Variants in SNTG1 observed in about 807,000 individuals in gnomAD.
SNTG1 encodes the protein syntrophin gamma 1.
In SNTG1, 39 loss-of-function variants were observed where a neutral mutation model predicts 74.7. That is an observed-to-expected ratio of 0.52 (90% CI 0.40 to 0.68). The LOEUF (loss-of-function observed/expected upper bound fraction) is 0.68. Ranked by LOEUF, SNTG1 falls within the 30% of genes least tolerant of loss-of-function variation. SNTG1 has a pLI of 0.00. For synonymous variants in SNTG1, 254 were observed against 217.1 expected (o/e 1.17, Z -1.49); for missense variants, 685 against 609.5 (o/e 1.12, Z -1.30).
chr8:50,033,428 T>C (rs1817902206), intron 1 of SNTG1, among the ~76,000 whole-genome samples: 1 of 152,162 alleles, frequency 6.6e-6, no homozygotes, highest in African/African-American at 2.4e-5. Context: ...CCAGCCAATT[T>C]ATTATTCTTA....
intron 2 of SNTG1, among the ~76,000 whole-genome samples, chr8:50,215,383 T>G (rs1022903384): frequency 6.8e-6 from 1 of 147,832 alleles, no homozygotes; most frequent in East Asian, 2.0e-4. Flanking sequence ...TATATAAATA[T>G]ATATATGTGT....
intron 1 of SNTG1, among the ~76,000 whole-genome samples, chr8:49,936,283 C>T (rs1287624760): frequency 6.6e-6 from 1 of 151,730 alleles, no homozygotes; most frequent in African/African-American, 2.4e-5. Flanking sequence ...GAACATTTTC[C>T]TTTTTTTTAA....
At chr8:50,678,088 C>T (rs1004151978) in intron 15 of SNTG1, among the ~76,000 whole-genome samples, 21 of 150,294 alleles carry the variant, frequency 1.4e-4, no homozygotes, top group Admixed American at 2.7e-4. Context: ...ACATGTATCC[C>T]GGAACTTAAA....
At chr8:50,252,924 A>C (rs2086704626) in intron 2 of SNTG1, among the ~76,000 whole-genome samples, 1 of 152,232 alleles carries the variant, frequency 6.6e-6, no homozygotes, top group Non-Finnish European at 1.5e-5. Context: ...CAAGTACATT[A>C]AAAAGTGCTC....
intron 1 of SNTG1, among the ~76,000 whole-genome samples, chr8:49,953,327 T>C (rs1809889062): frequency 6.6e-6 from 1 of 152,180 alleles, no homozygotes; most frequent in Admixed American, 6.5e-5. Flanking sequence ...ATCCAGCCAG[T>C]CTGAGAGGAC....
intron 1 of SNTG1, among the ~76,000 whole-genome samples, chr8:49,918,442 ACTAATAT>A (rs1179373118): frequency 6.6e-6 from 1 of 152,212 alleles, no homozygotes; most frequent in Non-Finnish European, 1.5e-5. Flanking sequence ...TTAGTTATTG[ACTAATAT>A]CTGCAAATAT....
In SNTG1 at chr8:50,207,659, T is replaced by G. The variant is rs530562707; in HGVS notation, c.-28+35024T>G. Among the ~76,000 whole-genome samples the G allele has an allele frequency of 1.8e-3, 277 of 152,238 alleles. 2 individuals are homozygous for G. The highest frequency in any genetic ancestry group is 6.3e-3 in the African/African-American group (261 of 41,572). On this transcript the variant is annotated intron_variant, in intron 2 of 18. Coordinates refer to ENST00000642720, the MANE Select transcript of SNTG1 (RefSeq NM_018967.5). ...TCTAGTTCTTTTAGTTGTGATATTATGGTGTCAATTTTACATCTTTCCTGC... is the reference window on the plus strand; with the variant it reads ...TCTAGTTCTTTTAGTTGTGATATTAGGGTGTCAATTTTACATCTTTCCTGC...
intron 2 of SNTG1, among the ~76,000 whole-genome samples, chr8:50,224,675 TG>T (rs1027012213): frequency 2.2e-4 from 33 of 152,262 alleles, no homozygotes; most frequent in Admixed American, 5.9e-4. Context: ...CAGGCCAAGA[TG>T]GGAATGGATG....
chr8:50,628,228 A>C (rs535026670), intron 13 of SNTG1, among the ~76,000 whole-genome samples: 1 of 150,926 alleles, frequency 6.6e-6, no homozygotes, highest in East Asian at 2.0e-4. Flanking sequence ...CTTTTATGAG[A>C]TTTTTGTATT....
At chr8:50,232,167 AAT>A (rs1227802495) in intron 2 of SNTG1, among the ~76,000 whole-genome samples, 3 of 151,508 alleles carry the variant, frequency 2.0e-5, no homozygotes, top group African/African-American at 7.2e-5. Context: ...ACTACAGAGC[AAT>A]ATGTCTTAAA....
chr8:50,669,992 C>A (rs1411189905), intron 15 of SNTG1, among the ~76,000 whole-genome samples: 2 of 152,050 alleles, frequency 1.3e-5, no homozygotes, highest in South Asian at 2.1e-4. Flanking sequence ...AATTCAACAA[C>A]GTTTCATGCT....
chr8:50,192,743 G>A (rs1049002100), intron 2 of SNTG1, among the ~76,000 whole-genome samples: 3 of 151,772 alleles, frequency 2.0e-5, no homozygotes, highest in South Asian at 4.1e-4. Context: ...GTCTAGAAGG[G>A]TTTTTCCAAT....
At chr8:50,295,527 A>T (rs953471273) in intron 2 of SNTG1, among the ~76,000 whole-genome samples, 3 of 152,138 alleles carry the variant, frequency 2.0e-5, no homozygotes, top group Non-Finnish European at 4.4e-5. Context: ...TTTAGTAGTG[A>T]GTTTCCAGTT....
chr8:50,603,661 G>T (rs941431584), intron 13 of SNTG1, among the ~76,000 whole-genome samples: 1 of 152,066 alleles, frequency 6.6e-6, no homozygotes, highest in Non-Finnish European at 1.5e-5. Flanking sequence ...TTCTTGGGGA[G>T]GCTTTCCAGC....
intron 1 of SNTG1, among the ~76,000 whole-genome samples, chr8:50,070,580 T>C (rs886468562): frequency 1.3e-5 from 2 of 152,166 alleles, no homozygotes; most frequent in Admixed American, 1.3e-4. Context: ...GCAAGCTGAA[T>C]AGGGCTTCTG....
At chr8:50,300,058 T>A (rs1220295426) in intron 2 of SNTG1, among the ~76,000 whole-genome samples, 1 of 150,636 alleles carries the variant, frequency 6.6e-6, no homozygotes. Context: ...TTAAAACACT[T>A]TTTTTGAGAT....
intron 9 of SNTG1, among the ~76,000 whole-genome samples, chr8:50,504,517 T>G: frequency 6.6e-6 from 1 of 152,146 alleles, no homozygotes; most frequent in Non-Finnish European, 1.5e-5. Context: ...TTAGGTGGGG[T>G]GCAGTGGCCC....
intron 2 of SNTG1, among the ~76,000 whole-genome samples, chr8:50,371,904 C>T (rs1352563505): frequency 3.3e-5 from 5 of 152,042 alleles, no homozygotes; most frequent in African/African-American, 1.2e-4. Context: ...TATTTTTTTA[C>T]TGTCAGGCTT....
At chr8:50,055,375 A>T (rs1819940067) in intron 1 of SNTG1, among the ~76,000 whole-genome samples, 1 of 152,140 alleles carries the variant, frequency 6.6e-6, no homozygotes, top group South Asian at 2.1e-4. Context: ...GGTGATCAGT[A>T]AATATTTTTG....
Sources: gnomAD v4.1 joint callset for allele counts (sites outside exome capture counted in the v4.1 genomes callset) on GRCh38, gnomAD v4.1.1 for gene constraint, MANE v1.5 for transcripts, NCBI Gene and HGNC (gene_info 2026-07-23, HGNC 2026-07-21) for gene names.